Variants in RABGAP1L observed in about 807,000 individuals in gnomAD.
The protein encoded by RABGAP1L is RAB GTPase activating protein 1 like.
In RABGAP1L, 63 loss-of-function variants were observed where a neutral mutation model predicts 137.7. That is an observed-to-expected ratio of 0.46 (90% CI 0.37 to 0.56). The LOEUF is 0.56. Among genes scored for constraint, RABGAP1L ranks in the 20% least tolerant of loss-of-function variants. The pLI is 0.00. For synonymous variants in RABGAP1L, 431 were observed against 433.7 expected, an observed-to-expected ratio of 0.99 and a Z score of 0.08; for missense variants, 1,095 against 1,244.0, an observed-to-expected ratio of 0.88 and a Z score of 1.80.
intron 15 of RABGAP1L, among the ~76,000 whole-genome samples, chr1:174,690,462 T>C (rs1159514883): frequency 6.6e-6 from 1 of 152,226 alleles, no homozygotes; most frequent in Non-Finnish European, 1.5e-5. Context: ...AATGCCTACC[T>C]TGCAGGATTT....
intron 19 of RABGAP1L, among the ~76,000 whole-genome samples, chr1:174,904,679 T>C (rs1368625141): frequency 6.6e-6 from 1 of 152,036 alleles, no homozygotes; most frequent in Non-Finnish European, 1.5e-5. Flanking sequence ...GAGGGGTGTC[T>C]TCCTCTGTCA....
intron 1 of RABGAP1L, among the ~76,000 whole-genome samples, chr1:174,190,208 C>G (rs545340586): frequency 4.0e-4 from 60 of 150,152 alleles, no homozygotes; most frequent in South Asian, 2.3e-3. Context: ...GAGGCTGAGC[C>G]AGGAGAATCA....
intron 13 of RABGAP1L, among the ~76,000 whole-genome samples, chr1:174,446,254 C>G (rs749993694): frequency 6.6e-6 from 1 of 152,120 alleles, no homozygotes; most frequent in Non-Finnish European, 1.5e-5. Flanking sequence ...AGAAGCATTA[C>G]CTTATTCCTG....
Position 174,955,027 on chromosome 1 carries a change from A to T in RABGAP1L, c.2341-2430A>T, listed in dbSNP as rs140478857. Among the ~76,000 whole-genome samples, 252 of 152,274 alleles carry T rather than the reference A, an allele frequency of 1.7e-3. 1 individual carries two copies. The highest frequency in any genetic ancestry group is 5.7e-3 in the African/African-American group (236 of 41,554). On this transcript the variant is annotated intron_variant, in intron 19 of 25. Transcript: ENST00000681986. ...AATGTTGTCGTTTTGTTAACACATG[A>T]TTGTGTATATTTCCCTTGTTTATCT...
intron 18 of RABGAP1L, among the ~76,000 whole-genome samples, chr1:174,752,746 A>G (rs1266110199): frequency 6.6e-6 from 1 of 152,224 alleles, no homozygotes; most frequent in Admixed American, 6.5e-5. Context: ...TGAATTATTA[A>G]AAAGTTTTTA....
intron 19 of RABGAP1L, among the ~76,000 whole-genome samples, chr1:174,852,975 G>C (rs570699331): frequency 6.6e-6 from 1 of 152,130 alleles, no homozygotes. Context: ...TTTAGCAGAA[G>C]TTTGTTATTT....
intron 19 of RABGAP1L, among the ~76,000 whole-genome samples, chr1:174,855,534 C>G (rs1429934453): frequency 6.6e-6 from 1 of 152,164 alleles, no homozygotes; most frequent in Non-Finnish European, 1.5e-5. Flanking sequence ...AGGCCTTTGA[C>G]ATAAGCAGTT....
intron 13 of RABGAP1L, among the ~76,000 whole-genome samples, chr1:174,427,087 A>C (rs1287973625): frequency 6.6e-6 from 1 of 150,984 alleles, no homozygotes; most frequent in African/African-American, 2.4e-5. Flanking sequence ...GTAACATTTA[A>C]CCTCTGTGAT....
At chr1:174,442,200 A>T (rs1252083432) in intron 13 of RABGAP1L, among the ~76,000 whole-genome samples, 3 of 151,838 alleles carry the variant, frequency 2.0e-5, no homozygotes, top group African/African-American at 7.3e-5. Context: ...ATTCACGAAT[A>T]TTTATCAAAT....
chr1:174,893,843 T>A (rs1001525039), intron 19 of RABGAP1L, among the ~76,000 whole-genome samples: 1 of 152,200 alleles, frequency 6.6e-6, no homozygotes, highest in African/African-American at 2.4e-5. Flanking sequence ...GTTGGAACAG[T>A]TTGTGACAAA....
At chr1:174,894,197 G>A (rs1656752487) in intron 19 of RABGAP1L, among the ~76,000 whole-genome samples, 2 of 152,204 alleles carry the variant, frequency 1.3e-5, no homozygotes, top group African/African-American at 4.8e-5. Flanking sequence ...TTAACCAGAA[G>A]CTCTACAGTG....
rs527674553 is a variant in RABGAP1L, at chr1:174,617,794, G to A, written c.1711-19581G>A. 4.7e-4 allele frequency among the ~76,000 whole-genome samples: 71 copies of A among 152,322 alleles called. 1 individual carries two copies. Among genetic ancestry groups the A allele is most frequent in the African/African-American group, 1.6e-3 (67 of 41,574 alleles). ...CCAGTCTACATCTCCCAGCGTGAGC[G>A]ACGCAGAAGACGGGTGATTTCGCAT... On this transcript the variant is annotated intron_variant, in intron 13 of 25. Coordinates refer to ENST00000681986, the MANE Select transcript of RABGAP1L (RefSeq NM_001366446.1).
chr1:174,710,080 C>T (rs538288358), intron 17 of RABGAP1L, among the ~76,000 whole-genome samples: 5 of 152,176 alleles, frequency 3.3e-5, no homozygotes, highest in Non-Finnish European at 7.4e-5. Context: ...TGAAGATCAA[C>T]TTAATGAAAT....
chr1:174,930,841 C>T (rs1413464673), intron 19 of RABGAP1L, among the ~76,000 whole-genome samples: 1 of 151,896 alleles, frequency 6.6e-6, no homozygotes, highest in African/African-American at 2.4e-5. Context: ...ACTTTAAAAT[C>T]ATAACCATAA....
chr1:174,614,334 T>C (rs1671577218), intron 13 of RABGAP1L, among the ~76,000 whole-genome samples: 1 of 152,186 alleles, frequency 6.6e-6, no homozygotes, highest in South Asian at 2.1e-4. Flanking sequence ...TTTGGCTGGA[T>C]ATGAAATTCT....
intron 1 of RABGAP1L, among the ~76,000 whole-genome samples, chr1:174,185,185 A>C (rs988429661): frequency 1.3e-5 from 2 of 152,242 alleles, no homozygotes; most frequent in Non-Finnish European, 2.9e-5. Context: ...TATCTGCAAA[A>C]TATGGGGACA....
chr1:174,343,910 A>C (rs1330319563), intron 11 of RABGAP1L, among the ~76,000 whole-genome samples: 1 of 152,182 alleles, frequency 6.6e-6, no homozygotes, highest in Non-Finnish European at 1.5e-5. Context: ...GCTTTCCCCT[A>C]GAAGTCTCTT....
intron 12 of RABGAP1L, among the ~76,000 whole-genome samples, chr1:174,375,933 T>C (rs1029264868): frequency 6.6e-6 from 1 of 152,012 alleles, no homozygotes. Flanking sequence ...CCAGGCATGG[T>C]GGTGTGCACC....
chr1:174,824,678 T>A (rs1793318), intron 19 of RABGAP1L, among the ~76,000 whole-genome samples: 98,172 of 151,970 alleles, frequency 0.65, 34,219 homozygotes, highest in East Asian at 0.93. Flanking sequence ...CTGAGTAATT[T>A]TTCATATTTT....
Sources: allele counts gnomAD v4.1 joint callset (sites outside exome capture counted in the v4.1 genomes callset), GRCh38; gene constraint gnomAD v4.1.1; transcripts MANE v1.5; gene names NCBI Gene and HGNC (gene_info 2026-07-23, HGNC 2026-07-21).